PDZD2: variants seen among roughly 807,000 people sequenced by gnomAD.
PDZD2 encodes PDZ domain-containing protein 2.
In PDZD2, 90 loss-of-function variants were observed where a neutral mutation model predicts 220.7. The observed-to-expected ratio is 0.41, with a 90% CI of 0.34 to 0.49. The LOEUF (loss-of-function observed/expected upper bound fraction) is 0.49. PDZD2 is among the 20% of genes least tolerant of loss of function. The pLI is 0.28. For missense variants in PDZD2, 3,174 were observed against 3,608.5 expected, an observed-to-expected ratio of 0.88 and a Z score of 3.08; for synonymous variants, 1,375 against 1,450.5, an observed-to-expected ratio of 0.95 and a Z score of 1.18.
intron 20 of PDZD2, 103 bp downstream of exon 20, chr5:32,091,278 AC>A (rs1212846496): frequency 5.2e-4 from 282 of 539,338 alleles, no homozygotes; most frequent in Non-Finnish European, 7.1e-4. Flanking sequence ...GTTCCCACTT[AC>A]TTTTTTTTTT....
intron 1 of PDZD2, among the ~76,000 whole-genome samples, chr5:31,710,785 C>T (rs1727988086): frequency 1.3e-5 from 2 of 149,674 alleles, no homozygotes; most frequent in South Asian, 2.1e-4. Flanking sequence ...CATTGCACTC[C>T]AGCCTGGGCG....
intron 2 of PDZD2, chr5:31,822,976 C>T (rs1007225279): frequency 5.2e-6 from 6 of 1,153,296 alleles, no homozygotes; most frequent in Non-Finnish European, 6.2e-6. Flanking sequence ...AACCCGGGGC[C>T]TCTTTTTTTT....
At chr5:31,681,317 G>T (rs1177214450) in intron 1 of PDZD2, among the ~76,000 whole-genome samples, 1 of 152,086 alleles carries the variant, frequency 6.6e-6, no homozygotes, top group Non-Finnish European at 1.5e-5. Flanking sequence ...CACAATCTCG[G>T]CTCACTGCAA....
chr5:31,919,480 A>G (rs540427573), intron 2 of PDZD2, among the ~76,000 whole-genome samples: 26 of 151,594 alleles, frequency 1.7e-4, no homozygotes, highest in East Asian at 9.8e-4. Context: ...CCTAGTAGCT[A>G]GGATTACAGG....
chr5:32,080,063 A>G (rs1176472745), intron 19 of PDZD2, among the ~76,000 whole-genome samples: 1 of 151,094 alleles, frequency 6.6e-6, no homozygotes, highest in East Asian at 2.0e-4. Flanking sequence ...AAAGGGTTCT[A>G]TTTGGCCGGG....
chr5:32,001,384 T>C (rs1752090734), intron 5 of PDZD2, among the ~76,000 whole-genome samples: 1 of 152,146 alleles, frequency 6.6e-6, no homozygotes, highest in Non-Finnish European at 1.5e-5. Context: ...CTCTTGAGTG[T>C]TGGAGCTGGA....
intron 12 of PDZD2, among the ~76,000 whole-genome samples, chr5:32,058,861 G>A (rs999207641): frequency 6.6e-6 from 1 of 152,160 alleles, no homozygotes; most frequent in Non-Finnish European, 1.5e-5. Context: ...AAACATGATG[G>A]AAGATTAAAC....
chr5:32,032,254 C>G (rs1203649004), intron 6 of PDZD2, among the ~76,000 whole-genome samples: 2 of 152,192 alleles, frequency 1.3e-5, no homozygotes, highest in East Asian at 3.9e-4. Flanking sequence ...GAGGCCCAGG[C>G]CCTGTTCCTC....
intron 1 of PDZD2, among the ~76,000 whole-genome samples, chr5:31,660,331 T>G (rs1186041951): frequency 6.6e-6 from 1 of 152,230 alleles, no homozygotes; most frequent in Non-Finnish European, 1.5e-5. Context: ...CAAGTAATTC[T>G]TTTAAAAATT....
intron 2 of PDZD2, among the ~76,000 whole-genome samples, chr5:31,939,652 G>C (rs572088631): frequency 6.6e-6 from 1 of 152,172 alleles, no homozygotes; most frequent in Non-Finnish European, 1.5e-5. Flanking sequence ...CTCCTAAAGA[G>C]ACAGAAACCA....
At chr5:31,653,682 C>T (rs769645060) in intron 1 of PDZD2, among the ~76,000 whole-genome samples, 54 of 152,290 alleles carry the variant, frequency 3.5e-4, no homozygotes, top group Non-Finnish European at 5.4e-4. Flanking sequence ...AACTGTCACA[C>T]GTGCAGCCCA....
chr5:31,817,027 CA>C (rs1222732731), intron 2 of PDZD2, among the ~76,000 whole-genome samples: 1 of 151,788 alleles, frequency 6.6e-6, no homozygotes, highest in Admixed American at 6.6e-5. Context: ...ACTAAAAATA[CA>C]AAAAAACATT....
At position 32,008,457 on chromosome 5, in the gene PDZD2, T is replaced by C. The variant is rs1753028860; in HGVS notation, c.1255-1873T>C. Among the ~76,000 whole-genome samples the C allele has an allele frequency of 2.0e-5, 3 of 152,198 alleles. No individual in the cohort carries two copies. In the South Asian group the frequency reaches 6.2e-4, roughly 32 times the overall value. The stretch of plus-strand genomic sequence containing the variant: ...CCACCACACCTGGCTAATTTTTGTA[T>C]TTTTAGTAGAGACGGATGGGGTTTC... On this transcript the variant is annotated intron_variant, in intron 5 of 24. Coordinates refer to ENST00000438447, the MANE Select transcript of PDZD2 (RefSeq NM_178140.4).
Position 32,081,744 on chromosome 5 carries a change from C to T in PDZD2, c.3682+4138C>T, listed in dbSNP as rs115113406. ...TGTTTTGTTTTGTTTTGTTTTGTGG[C>T]GGAGTCTTGCTCTGTTGCCCAGGCT... On this transcript the variant is annotated intron_variant, in intron 19 of 24. Transcript: ENST00000438447. 8.9e-3 allele frequency among the ~76,000 whole-genome samples: 1,352 copies of T among 152,142 alleles called. 12 individuals are homozygous for T. Among genetic ancestry groups the T allele is most frequent in the Middle Eastern group, 0.054 (16 of 294 alleles).
chr5:31,643,915 C>T (rs919146939), intron 1 of PDZD2, among the ~76,000 whole-genome samples: 1 of 151,998 alleles, frequency 6.6e-6, no homozygotes. Context: ...ACCTCCCCGG[C>T]TCCAGTGATC....
chr5:31,704,980 G>A (rs1747753643), intron 1 of PDZD2, among the ~76,000 whole-genome samples: 1 of 152,130 alleles, frequency 6.6e-6, no homozygotes, highest in South Asian at 2.1e-4. Flanking sequence ...GGCCAACGTG[G>A]TAAAACCCCG....
Position 31,752,090 on chromosome 5 carries a change from T to TTTTTTTTTC in PDZD2, c.-360-46799_-360-46798insTTTTTTTTC, listed in dbSNP as rs1554070603. On this transcript the variant is annotated intron_variant, in intron 1 of 24. Transcript: ENST00000438447. ...TTGGGTTTGTTTTTTTTTTTTTTTT[T>TTTTTTTTTC]CTGAGACAAGGTCTTGCTTTATCAA... is the stretch of plus-strand genomic sequence containing the variant. Among the ~76,000 whole-genome samples, 3 of 144,062 alleles carry TTTTTTTTTC rather than the reference T, an allele frequency of 2.1e-5. 1 individual carries two copies. The highest frequency in any genetic ancestry group is 4.6e-5 in the Non-Finnish European group (3 of 65,746). 94.5% of individuals were successfully genotyped at this position (144,062 alleles called of 152,430 possible). A position where few individuals can be genotyped will look rare whatever the true frequency, so the allele number is the denominator to read the frequency against.
At chr5:31,822,992 C>G in intron 2 of PDZD2, 1 of 1,184,410 alleles carries the variant, frequency 8.4e-7, no homozygotes, top group Non-Finnish European at 1.2e-6. Context: ...TTTTTCTTTC[C>G]GAGAAGACTG....
At chr5:31,644,781 A>C (rs1487909571) in intron 1 of PDZD2, among the ~76,000 whole-genome samples, 1 of 152,220 alleles carries the variant, frequency 6.6e-6, no homozygotes, top group Non-Finnish European at 1.5e-5. Flanking sequence ...TCAGAAACTT[A>C]AGATTCTCAA....
Sources: allele counts gnomAD v4.1 joint callset (sites outside exome capture counted in the v4.1 genomes callset), GRCh38; gene constraint gnomAD v4.1.1; transcripts MANE v1.5; gene names NCBI Gene and HGNC (gene_info 2026-07-23, HGNC 2026-07-21).